RBFOX1: variants seen among roughly 807,000 people sequenced by gnomAD.
RBFOX1 encodes the protein RNA binding fox-1 homolog 1.
RBFOX1 carries 8 observed loss-of-function variants against 57.7 expected under a neutral mutation model. The ratio of observed to expected loss-of-function variants is 0.14; its 90% confidence interval spans 0.08 to 0.25. The LOEUF (loss-of-function observed/expected upper bound fraction) is 0.25, where lower values mean the gene tolerates loss of function less well. Among genes scored for constraint, RBFOX1 ranks in the 10% least tolerant of loss-of-function variants. The pLI, the probability that RBFOX1 is intolerant of heterozygous loss-of-function variation, is 1.00. For missense variants in RBFOX1, 611 were observed against 548.5 expected (o/e 1.11, Z -1.14); for synonymous variants, 326 against 222.4 (o/e 1.47, Z -4.15).
intron 3 of RBFOX1, among the ~76,000 whole-genome samples, chr16:6,730,084 TAGAA>T (rs1419431457): frequency 1.3e-5 from 2 of 152,156 alleles, no homozygotes; most frequent in Non-Finnish European, 2.9e-5. Context: ...GGCTGCCTGT[TAGAA>T]AGACATCTCT....
rs8182182 is a variant in RBFOX1 at position 7,084,026 on chromosome 16, C to A, written c.27+31928C>A. On this transcript the variant is annotated intron_variant, in intron 4 of 15. Transcript: ENST00000550418. ...ACCTGTTAAAGGCCCTAACACTCTC[C>A]TGATCATCTTTCAGGTCATTTACCC... 4.6e-5 allele frequency among the ~76,000 whole-genome samples: 7 copies of A among 152,248 alleles called. No individual in the cohort carries two copies. In the South Asian group the frequency reaches 1.2e-3, roughly 27 times the overall value.
intron 2 of RBFOX1, among the ~76,000 whole-genome samples, chr16:6,588,764 A>C (rs2097667713): frequency 6.6e-6 from 1 of 152,170 alleles, no homozygotes; most frequent in African/African-American, 2.4e-5. Context: ...GAAAATCAGG[A>C]CTTACTTGAT....
intron 4 of RBFOX1, among the ~76,000 whole-genome samples, chr16:7,170,021 C>G (rs2080367831): frequency 6.6e-6 from 1 of 152,230 alleles, no homozygotes; most frequent in South Asian, 2.1e-4. Flanking sequence ...TTGCAGTGAA[C>G]CAAGATTGTG....
At chr16:6,107,953 C>T (rs1434074247) in intron 1 of RBFOX1, among the ~76,000 whole-genome samples, 1 of 151,872 alleles carries the variant, frequency 6.6e-6, no homozygotes, top group Non-Finnish European at 1.5e-5. Context: ...CCTTTCTTGC[C>T]TTATCAATTA....
intron 1 of RBFOX1, among the ~76,000 whole-genome samples, chr16:5,455,232 C>A (rs77849764): frequency 0.038 from 5,825 of 151,886 alleles, 334 homozygotes; most frequent in African/African-American, 0.11. Context: ...GACCAGAGTG[C>A]CTTCACATGG....
rs370481152 is a variant in RBFOX1 at position 7,332,953 on chromosome 16, C to A, written c.28-185194C>A. 2.5e-6 allele frequency: 4 copies of A among 1,612,250 alleles called. No homozygotes were observed. The Admixed American group carries it at 5.0e-5, about 20-fold the overall frequency. The stretch of plus-strand genomic sequence containing the variant: ...TGGGTCTATAGATTTCCCCCTAACT[C>A]TCCATTGATGTGTTGAGCTTCAGAG... On this transcript the variant is annotated intron_variant, in intron 4 of 15. Transcript: ENST00000550418.
At chr16:5,750,092 C>A (rs112735637) in intron 3 of RBFOX1, among the ~76,000 whole-genome samples, 5,346 of 152,254 alleles carry the variant, frequency 0.035, 146 homozygotes, top group East Asian at 0.13. Flanking sequence ...ACAGTCAAGA[C>A]CCTCAGCTGC....
chr16:6,794,870 T>A (rs2083652346), intron 3 of RBFOX1, among the ~76,000 whole-genome samples: 1 of 152,052 alleles, frequency 6.6e-6, no homozygotes, highest in African/African-American at 2.4e-5. Context: ...TTTCCCCCTA[T>A]GAAAAAAATG....
At chr16:7,634,641 A>G (rs2061482411) in intron 11 of RBFOX1, among the ~76,000 whole-genome samples, 1 of 152,116 alleles carries the variant, frequency 6.6e-6, no homozygotes, top group Non-Finnish European at 1.5e-5. Flanking sequence ...TAAGAGAAAG[A>G]TTTTCACTGA....
intron 3 of RBFOX1, among the ~76,000 whole-genome samples, chr16:5,742,298 C>CCCTCCCTT (rs2052801312): frequency 8.9e-6 from 1 of 112,702 alleles, no homozygotes; most frequent in Non-Finnish European, 1.9e-5. Flanking sequence ...CTTCCTGCCT[C>CCCTCCCTT]CCTCCCTTCC....
At chr16:7,673,000 G>A (rs2072059788) in intron 13 of RBFOX1, among the ~76,000 whole-genome samples, 2 of 150,076 alleles carry the variant, frequency 1.3e-5, no homozygotes, top group South Asian at 4.2e-4. Flanking sequence ...CACCTGTTTT[G>A]CACCAAGTGA....
At chr16:6,900,430 C>T (rs574736393) in intron 3 of RBFOX1, among the ~76,000 whole-genome samples, 28 of 152,346 alleles carry the variant, frequency 1.8e-4, no homozygotes, top group Admixed American at 1.1e-3. Context: ...CTACCACTAT[C>T]TGCTCTCCCA....
chr16:5,288,088 G>C (rs1375475209), intron 1 of RBFOX1, among the ~76,000 whole-genome samples: 1 of 152,166 alleles, frequency 6.6e-6, no homozygotes, highest in Non-Finnish European at 1.5e-5. Flanking sequence ...ACTCCACATT[G>C]GTCATGGCTG....
At chr16:6,756,846 A>T (rs896800947) in intron 3 of RBFOX1, among the ~76,000 whole-genome samples, 1 of 151,962 alleles carries the variant, frequency 6.6e-6, no homozygotes, top group African/African-American at 2.4e-5. Flanking sequence ...GTGGTGGCAG[A>T]CACCTGTAGT....
At chr16:5,963,961 G>T (rs2059798723) in intron 4 of RBFOX1, among the ~76,000 whole-genome samples, 1 of 152,120 alleles carries the variant, frequency 6.6e-6, no homozygotes, top group Non-Finnish European at 1.5e-5. Flanking sequence ...AAAATGGAAA[G>T]GCAGCCTATG....
chr16:7,549,762 G>T (rs1161707562), intron 5 of RBFOX1, among the ~76,000 whole-genome samples: 1 of 152,134 alleles, frequency 6.6e-6, no homozygotes, highest in Non-Finnish European at 1.5e-5. Context: ...CCACTGATTA[G>T]ATTTGTGTCC....
At chr16:7,501,059 C>T (rs1409990593) in intron 4 of RBFOX1, among the ~76,000 whole-genome samples, 7 of 152,194 alleles carry the variant, frequency 4.6e-5, no homozygotes, top group South Asian at 2.1e-4. Flanking sequence ...CCTCTCCAGC[C>T]AGGCTGAACT....
chr16:5,282,814 A>C (rs1334583437), intron 1 of RBFOX1, among the ~76,000 whole-genome samples: 1 of 152,234 alleles, frequency 6.6e-6, no homozygotes, highest in Non-Finnish European at 1.5e-5. Context: ...AATAGAAAAG[A>C]AAATCCCATT....
intron 5 of RBFOX1, among the ~76,000 whole-genome samples, chr16:7,575,894 A>G (rs2093292389): frequency 6.6e-6 from 1 of 152,014 alleles, no homozygotes; most frequent in Admixed American, 6.6e-5. Flanking sequence ...GCTGCATTTC[A>G]TCCTTCCCAC....
Sources: gnomAD v4.1 joint callset for allele counts (sites outside exome capture counted in the v4.1 genomes callset) on GRCh38, gnomAD v4.1.1 for gene constraint, MANE v1.5 for transcripts, NCBI Gene and HGNC (gene_info 2026-07-23, HGNC 2026-07-21) for gene names.